Variants in XKR4 observed in about 807,000 individuals in gnomAD.
XKR4 encodes XK related 4.
A neutral mutation model predicts 53.9 loss-of-function variants in XKR4; 12 were observed. The observed-to-expected ratio is 0.22, with a 90% CI of 0.14 to 0.36. The LOEUF is 0.36. Ranked by LOEUF, XKR4 falls within the 10% of genes least tolerant of loss-of-function variation. The pLI is 1.00. For synonymous variants in XKR4, 354 were observed against 362.4 expected (o/e 0.98, Z 0.26); for missense variants, 799 against 859.5 (o/e 0.93, Z 0.88).
chr8:55,367,942 G>A (rs1034494222), intron 2 of XKR4, among the ~76,000 whole-genome samples: 18 of 151,748 alleles, frequency 1.2e-4, no homozygotes, highest in Admixed American at 7.9e-4. Flanking sequence ...ATAGCGATGC[G>A]TTTTGTTTTG....
intron 2 of XKR4, among the ~76,000 whole-genome samples, chr8:55,394,493 G>A (rs1326447532): frequency 6.6e-6 from 1 of 152,182 alleles, no homozygotes; most frequent in Non-Finnish European, 1.5e-5. Context: ...TATTTAATAA[G>A]ACATGGTTTT....
intron 1 of XKR4, among the ~76,000 whole-genome samples, chr8:55,241,996 GTTA>G (rs1183197203): frequency 5.9e-5 from 9 of 152,052 alleles, no homozygotes; most frequent in African/African-American, 1.7e-4. Context: ...TAAACTTTTA[GTTA>G]TTATTTCTTC....
At chr8:55,135,266 TATG>T (rs1816609636) in intron 1 of XKR4, 1 of 171,882 alleles carries the variant, frequency 5.8e-6, no homozygotes, top group Non-Finnish European at 1.3e-5. Context: ...ATTTCTTTTT[TATG>T]ATAACATACT....
At chr8:55,484,184 A>T (rs1333516026) in intron 2 of XKR4, among the ~76,000 whole-genome samples, 1 of 152,220 alleles carries the variant, frequency 6.6e-6, no homozygotes, top group Non-Finnish European at 1.5e-5. Flanking sequence ...TATTGAATTA[A>T]TAATTTTAAA....
At chr8:55,267,795 C>T (rs1308844164) in intron 1 of XKR4, among the ~76,000 whole-genome samples, 1 of 152,112 alleles carries the variant, frequency 6.6e-6, no homozygotes, top group African/African-American at 2.4e-5. Context: ...TAAGGATAGA[C>T]TCATCTAAGA....
chr8:55,269,514 A>T lies in XKR4; in HGVS notation c.807-88164A>T, dbSNP rs111348779. 6.6e-3 allele frequency among the ~76,000 whole-genome samples: 999 copies of T among 152,258 alleles called. 15 individuals carry two copies. The highest frequency in any genetic ancestry group is 0.022 in the African/African-American group (933 of 41,538). ...ATTTATATGCATGTGGTATTATCAG[A>T]GTTGTTGAAGGTGTGTGAACACTCC... On this transcript the variant is annotated intron_variant, in intron 1 of 2. Transcript: ENST00000327381.
At chr8:55,464,244 C>T (rs1285712717) in intron 2 of XKR4, among the ~76,000 whole-genome samples, 1 of 152,058 alleles carries the variant, frequency 6.6e-6, no homozygotes, top group Non-Finnish European at 1.5e-5. Context: ...ACTGACAAAC[C>T]AAATCCAGCA....
chr8:55,164,181 C>G (rs964798377), intron 1 of XKR4: 1 of 456,564 alleles, frequency 2.2e-6, no homozygotes, highest in Admixed American at 2.3e-5. Flanking sequence ...GCCCAGCACA[C>G]AGGTTGCCTC....
chr8:55,309,114 A>AC (rs1819353004), intron 1 of XKR4, among the ~76,000 whole-genome samples: 1 of 152,142 alleles, frequency 6.6e-6, no homozygotes, highest in Non-Finnish European at 1.5e-5. Context: ...AGCCCTGCCA[A>AC]CTCCTTCATT....
rs528985759 is a variant in XKR4, at chr8:55,225,029, T to C, written c.806+121735T>C. Among the ~76,000 whole-genome samples the C allele has an allele frequency of 4.6e-5, 7 of 152,220 alleles. No homozygotes were observed. In the East Asian group the frequency reaches 1.3e-3, roughly 29 times the overall value. On this transcript the variant is annotated intron_variant, in intron 1 of 2. Coordinates refer to ENST00000327381, the MANE Select transcript of XKR4 (RefSeq NM_052898.2). Reference sequence around the variant, plus strand: ...TTAAGTAAAATAATTTTAAAGCTTATTAGTACATTATAAATACTTAGAATA... The same window carrying C: ...TTAAGTAAAATAATTTTAAAGCTTACTAGTACATTATAAATACTTAGAATA...
At chr8:55,521,628 T>C (rs1806799422) in intron 2 of XKR4, among the ~76,000 whole-genome samples, 1 of 152,204 alleles carries the variant, frequency 6.6e-6, no homozygotes, top group African/African-American at 2.4e-5. Context: ...GCTGGCTTTA[T>C]TGGGAGGAAA....
At chr8:55,487,714 C>T (rs978107049) in intron 2 of XKR4, among the ~76,000 whole-genome samples, 2 of 152,154 alleles carry the variant, frequency 1.3e-5, no homozygotes, top group South Asian at 4.1e-4. Context: ...TGTGATCCAC[C>T]TGCCTCAGCC....
Position 55,372,518 on chromosome 8 carries a change from G to GTGTT in XKR4, c.1006+14643_1006+14646dup, listed in dbSNP as rs749295074. ...GGTCAACTTAATAAAAAATTCAAAAGTGTTTTACTATGGTACTTTCCCAGA... is the reference window on the plus strand; with the variant it reads ...GGTCAACTTAATAAAAAATTCAAAAGTGTTTGTTTTACTATGGTACTTTCCCAGA... On this transcript the variant is annotated intron_variant, in intron 2 of 2. Transcript: ENST00000327381. Among the ~76,000 whole-genome samples, 78 of 150,884 alleles carry GTGTT rather than the reference G, an allele frequency of 5.2e-4. No homozygotes were observed. The East Asian group carries it at 0.012, about 24-fold the overall frequency.
At chr8:55,252,331 CTG>C (rs1281661229) in intron 1 of XKR4, among the ~76,000 whole-genome samples, 1 of 152,182 alleles carries the variant, frequency 6.6e-6, no homozygotes, top group African/African-American at 2.4e-5. Context: ...AGATGTGAAA[CTG>C]TATAAACCAT....
chr8:55,218,372 T>A (rs1245276700), intron 1 of XKR4, among the ~76,000 whole-genome samples: 1 of 152,184 alleles, frequency 6.6e-6, no homozygotes, highest in Non-Finnish European at 1.5e-5. Flanking sequence ...GAAACTCAAT[T>A]CTTTATGAAA....
intron 2 of XKR4, chr8:55,450,271 C>T (rs1009429152): frequency 1.5e-5 from 10 of 687,838 alleles, no homozygotes; most frequent in Non-Finnish European, 2.2e-5. Flanking sequence ...GGGGGTTCCC[C>T]GAGCCAGTTC....
intron 2 of XKR4, among the ~76,000 whole-genome samples, chr8:55,408,736 C>T (rs974053226): frequency 3.3e-5 from 5 of 152,126 alleles, no homozygotes; most frequent in Admixed American, 1.3e-4. Flanking sequence ...AAGCCGGGTG[C>T]GGTGGTTCGC....
intron 1 of XKR4, among the ~76,000 whole-genome samples, chr8:55,115,028 G>A (rs149278460): frequency 1.1e-3 from 161 of 152,300 alleles, no homozygotes; most frequent in African/African-American, 3.7e-3. Context: ...GTTACTGAAG[G>A]TGGAATCTGC....
Position 55,142,159 on chromosome 8 carries a change from A to C in XKR4, c.806+38865A>C, listed in dbSNP as rs1402891577. On this transcript the variant is annotated intron_variant, in intron 1 of 2. Transcript: ENST00000327381. Reference sequence around the variant, plus strand: ...CCCCCACAGGGAGCCCACTGGCCTCACTGCTGCTCTCCTGAGCGCTTTGTC... The same window carrying C: ...CCCCCACAGGGAGCCCACTGGCCTCCCTGCTGCTCTCCTGAGCGCTTTGTC... The C allele has an allele frequency of 6.6e-6, 3 of 456,092 alleles. No homozygotes were observed. In the Admixed American group the frequency reaches 7.0e-5, roughly 11 times the overall value. The allele number at this position is 456,092 out of a possible 1,614,324, so 28.3% of individuals were successfully genotyped here.
Sources: allele counts gnomAD v4.1 joint callset (sites outside exome capture counted in the v4.1 genomes callset), GRCh38; gene constraint gnomAD v4.1.1; transcripts MANE v1.5; gene names NCBI Gene and HGNC (gene_info 2026-07-23, HGNC 2026-07-21).